AGBL1: variants seen among roughly 807,000 people sequenced by gnomAD.
The protein encoded by AGBL1 is cytosolic carboxypeptidase 4.
A neutral mutation model predicts 118.9 loss-of-function variants in AGBL1; 130 were observed. The ratio of observed to expected loss-of-function variants is 1.09; its 90% confidence interval spans 0.95 to 1.26. The LOEUF (loss-of-function observed/expected upper bound fraction) is 1.26, where lower values mean the gene tolerates loss of function less well. Among genes scored for constraint, AGBL1 ranks in the 50% most tolerant of loss-of-function variants. AGBL1 has a pLI of 0.00. For missense variants in AGBL1, 1,584 were observed against 1,298.1 expected (o/e 1.22, Z -3.38); for synonymous variants, 555 against 478.9 (o/e 1.16, Z -2.08).
chr15:86,280,311 A>T (rs376203766), intron 16 of AGBL1, among the ~76,000 whole-genome samples: 2 of 152,172 alleles, frequency 1.3e-5, no homozygotes, highest in South Asian at 4.1e-4. Context: ...GGAAGAGAAA[A>T]GTGTAAGAAT....
intron 22 of AGBL1, among the ~76,000 whole-genome samples, chr15:86,675,492 T>C (rs1261812939): frequency 1.3e-5 from 2 of 152,300 alleles, no homozygotes; most frequent in South Asian, 2.1e-4. Flanking sequence ...CACTGGGCTA[T>C]AGATCATAGA....
At chr15:86,819,493 T>C (rs1376158048) in intron 22 of AGBL1, among the ~76,000 whole-genome samples, 1 of 151,820 alleles carries the variant, frequency 6.6e-6, no homozygotes, top group African/African-American at 2.4e-5. Flanking sequence ...ATACCAATAA[T>C]AGAAAAATGG....
chr15:86,141,786 T>C lies in AGBL1; in HGVS notation c.52-218T>C, dbSNP rs557663789. The stretch of plus-strand genomic sequence containing the variant: ...CTTTTGTTCATCTTGCTGATGTTAC[T>C]ACAAGATACGTCTGCAAAGATGAGT... On this transcript the variant is annotated intron_variant, in intron 1 of 22. Transcript: ENST00000614907. Among the ~76,000 whole-genome samples, 4 of 152,382 alleles carry C rather than the reference T, an allele frequency of 2.6e-5. No homozygotes were observed. In the South Asian group the frequency reaches 6.2e-4, roughly 24 times the overall value.
chr15:86,234,423 C>T (rs1158966335), intron 6 of AGBL1, among the ~76,000 whole-genome samples: 1 of 151,986 alleles, frequency 6.6e-6, no homozygotes, highest in Non-Finnish European at 1.5e-5. Flanking sequence ...TGATGGCATG[C>T]ACTTGTAGTC....
rs1358543148 is a variant in AGBL1, at chr15:86,546,134, G to T, written c.2817+1G>T. The T allele has an allele frequency of 6.2e-7, 1 of 1,610,734 alleles. No homozygotes were observed. Among genetic ancestry groups the T allele is most frequent in the African/African-American group, 1.3e-5 (1 of 74,820 alleles). ...TATCCTAGAGGAGGTCAACTACAGG[G>T]TAAGCCGCTGTGGGGAATGACATCA... On this transcript the variant is annotated splice_donor_variant, in intron 20 of 22. Transcript: ENST00000614907. LOFTEE classifies it high-confidence loss of function.
intron 19 of AGBL1, among the ~76,000 whole-genome samples, chr15:86,523,789 G>T (rs1245706406): frequency 6.6e-6 from 1 of 152,040 alleles, no homozygotes; most frequent in Non-Finnish European, 1.5e-5. Flanking sequence ...CTATACAATT[G>T]ATTGAAAAAA....
chr15:86,805,351 A>G (rs2078702269), intron 22 of AGBL1, among the ~76,000 whole-genome samples: 1 of 152,112 alleles, frequency 6.6e-6, no homozygotes, highest in Non-Finnish European at 1.5e-5. Flanking sequence ...AGCACGCCAC[A>G]AGACTTTCTG....
At chr15:86,396,193 A>G (rs2081359064) in intron 17 of AGBL1, among the ~76,000 whole-genome samples, 1 of 147,074 alleles carries the variant, frequency 6.8e-6, no homozygotes, top group Non-Finnish European at 1.5e-5. Context: ...ATGTGTATAT[A>G]TATAAAATCA....
At chr15:86,357,004 G>C (rs1440508008) in intron 17 of AGBL1, among the ~76,000 whole-genome samples, 1 of 152,132 alleles carries the variant, frequency 6.6e-6, no homozygotes, top group Non-Finnish European at 1.5e-5. Flanking sequence ...TTCCGGTTTT[G>C]TTGTTTTTGT....
intron 21 of AGBL1, among the ~76,000 whole-genome samples, chr15:86,607,706 A>G (rs1413424444): frequency 6.6e-6 from 1 of 152,116 alleles, no homozygotes; most frequent in Non-Finnish European, 1.5e-5. Flanking sequence ...ACATGTATAT[A>G]TCTTTTTTAG....
chr15:86,399,431 C>T (rs931812014), intron 18 of AGBL1, among the ~76,000 whole-genome samples: 2 of 152,124 alleles, frequency 1.3e-5, no homozygotes, highest in African/African-American at 2.4e-5. Flanking sequence ...ATCTCTCCTT[C>T]GCTGGAATTG....
intron 21 of AGBL1, among the ~76,000 whole-genome samples, chr15:86,587,081 G>C (rs2084260391): frequency 6.6e-6 from 1 of 152,108 alleles, no homozygotes; most frequent in Non-Finnish European, 1.5e-5. Context: ...TTGCAACTGA[G>C]GCTTCTCTCC....
intron 23 of AGBL1, among the ~76,000 whole-genome samples, chr15:86,972,345 G>A (rs549533191): frequency 1.3e-4 from 20 of 152,102 alleles, no homozygotes; most frequent in Admixed American, 2.0e-4. Context: ...TAACTAAGAC[G>A]TGAAATTCTA....
chr15:86,590,768 G>T lies in AGBL1; in HGVS notation c.2994+36231G>T, dbSNP rs544450289. Among the ~76,000 whole-genome samples the T allele has an allele frequency of 7.2e-5, 11 of 152,274 alleles. 1 individual carries two copies. The South Asian group carries it at 2.3e-3, about 32-fold the overall frequency. On this transcript the variant is annotated intron_variant, in intron 21 of 22. Transcript: ENST00000614907. Reference sequence around the variant, plus strand: ...GTATAAATGCAGGTTCCCTACAGATGATGTAAATTTCTCCCAGGAAAGACA... The same window carrying T: ...GTATAAATGCAGGTTCCCTACAGATTATGTAAATTTCTCCCAGGAAAGACA...
chr15:86,234,085 T>C (rs1035231926), intron 6 of AGBL1, among the ~76,000 whole-genome samples: 4 of 152,154 alleles, frequency 2.6e-5, no homozygotes, highest in African/African-American at 9.7e-5. Flanking sequence ...TATCAGGAGA[T>C]CCTGTCAAGA....
At chr15:86,244,995 C>T (rs1056561669) in intron 6 of AGBL1, among the ~76,000 whole-genome samples, 1 of 152,054 alleles carries the variant, frequency 6.6e-6, no homozygotes, top group Non-Finnish European at 1.5e-5. Context: ...GTAATGAAGG[C>T]AATTCAAACC....
At chr15:86,916,604 A>G (rs1487621041), downstream of AGBL1, among the ~76,000 whole-genome samples, 3 of 152,228 alleles carry the variant, frequency 2.0e-5, no homozygotes, top group Non-Finnish European at 4.4e-5. Context: ...TTGAGAGTCC[A>G]AGGTTTAGGC....
intron 21 of AGBL1, among the ~76,000 whole-genome samples, chr15:86,561,392 C>T (rs997268408): frequency 2.0e-5 from 3 of 152,188 alleles, no homozygotes; most frequent in African/African-American, 7.2e-5. Flanking sequence ...CCAGTTTTCC[C>T]AGCACCATTT....
At chr15:86,264,876 T>C (rs780020118) in intron 11 of AGBL1, 38 bp downstream of exon 11, 46 of 1,489,828 alleles carry the variant, frequency 3.1e-5, no homozygotes, top group Non-Finnish European at 2.4e-5. Context: ...TTTTTTTCTG[T>C]TCTTTGATAA....
Sources: allele counts gnomAD v4.1 joint callset (sites outside exome capture counted in the v4.1 genomes callset), GRCh38; gene constraint gnomAD v4.1.1; transcripts MANE v1.5; gene names NCBI Gene and HGNC (gene_info 2026-07-23, HGNC 2026-07-21).